Variants in METTL15 observed in about 807,000 individuals in gnomAD.
METTL15 encodes 12S rRNA N(4)-cytidine methyltransferase METTL15.
Under a neutral mutation model 38.3 loss-of-function variants are expected in METTL15, and 34 were observed. The ratio of observed to expected loss-of-function variants is 0.89; its 90% CI spans 0.68 to 1.18. The LOEUF (loss-of-function observed/expected upper bound fraction) is 1.18. Among genes scored for constraint, METTL15 ranks in the 50% most tolerant of loss-of-function variants. The pLI, the probability that METTL15 is intolerant of heterozygous loss-of-function variation, is 0.00. For synonymous variants in METTL15, 162 were observed against 170.9 expected, an observed-to-expected ratio of 0.95 and a Z score of 0.41; for missense variants, 438 against 498.4, an observed-to-expected ratio of 0.88 and a Z score of 1.15.
chr11:28,287,154 CAA>C (rs1491070417), intron 4 of METTL15: 17 of 85,442 alleles, frequency 2.0e-4, no homozygotes, highest in Admixed American at 3.7e-4. Context: ...GAGAGAGAGA[CAA>C]TGTGTGTGTG....
In METTL15 at chr11:28,386,831, T is replaced by A. The variant is rs540665503; in HGVS notation, c.*358+24795T>A. On this transcript the variant is annotated intron_variant and NMD_transcript_variant, in intron 5 of 7. Transcript: ENST00000532947. ...AGATCACAAGATCAGTCTTAACAAA[T>A]TTAACAAGATTGAACTCATGCCAAA... 2.0e-4 allele frequency among the ~76,000 whole-genome samples: 30 copies of A among 152,062 alleles called. 1 individual carries two copies. In the East Asian group the frequency reaches 5.8e-3, roughly 29 times the overall value.
the METTL15 span, among the ~76,000 whole-genome samples, chr11:28,532,215 T>C: frequency 6.6e-6 from 1 of 152,068 alleles, no homozygotes; most frequent in Non-Finnish European, 1.5e-5. Context: ...ATTAAACCCT[T>C]GGATTTTGGT....
At chr11:28,381,852 G>T (rs1288211518) in intron 5 of METTL15, among the ~76,000 whole-genome samples, 2 of 151,636 alleles carry the variant, frequency 1.3e-5, no homozygotes, top group African/African-American at 2.4e-5. Flanking sequence ...TATCTCATTA[G>T]GGCCAATCAC....
At position 28,163,311 on chromosome 11, in the gene METTL15, T is replaced by A. The variant is rs2133747028; in HGVS notation, c.271-47751T>A. The A allele has an allele frequency of 7.5e-6, 3 of 397,700 alleles. 1 individual carries two copies. The South Asian group carries it at 3.8e-4, about 51-fold the overall frequency. 24.6% of individuals were successfully genotyped at this position (397,700 alleles called of 1,614,324 possible). A position where few individuals can be genotyped will look rare whatever the true frequency, so the allele number is the denominator to read the frequency against. ...AAAAGTATGGCATAAATTCTAAATA[T>A]TATTATTTTATTCACAGAATTCTGT... On this transcript the variant is annotated intron_variant, in intron 3 of 6. Transcript: ENST00000407364.
intron 4 of METTL15, among the ~76,000 whole-genome samples, chr11:28,216,390 A>T (rs992369823): frequency 6.6e-6 from 1 of 152,158 alleles, no homozygotes; most frequent in Non-Finnish European, 1.5e-5. Context: ...GTGCATAATT[A>T]AAAAATGATG....
chr11:28,365,542 A>G (rs1412060143), intron 5 of METTL15, among the ~76,000 whole-genome samples: 2 of 151,898 alleles, frequency 1.3e-5, no homozygotes, highest in Non-Finnish European at 2.9e-5. Context: ...ATCTGATTGC[A>G]TTTATTTGAA....
At chr11:28,165,572 A>G (rs1850630198) in intron 3 of METTL15, among the ~76,000 whole-genome samples, 1 of 151,850 alleles carries the variant, frequency 6.6e-6, no homozygotes, top group South Asian at 2.1e-4. Context: ...TCCTTATTAG[A>G]TGTATGGTTT....
At chr11:28,379,806 A>G (rs1205908786) in intron 5 of METTL15, among the ~76,000 whole-genome samples, 1 of 151,998 alleles carries the variant, frequency 6.6e-6, no homozygotes, top group Non-Finnish European at 1.5e-5. Flanking sequence ...CTGAGCGTGG[A>G]TTGTTGAACG....
chr11:28,168,073 A>G (rs898213992), intron 3 of METTL15, among the ~76,000 whole-genome samples: 2 of 152,090 alleles, frequency 1.3e-5, no homozygotes, highest in African/African-American at 2.4e-5. Context: ...AAAGATTCCT[A>G]TACTGACATC....
chr11:28,234,068 C>T (rs986990997), intron 4 of METTL15, among the ~76,000 whole-genome samples: 5 of 149,274 alleles, frequency 3.3e-5, no homozygotes, highest in African/African-American at 1.2e-4. Context: ...GGTTTTTTGT[C>T]CTTGCGATAG....
downstream of METTL15, among the ~76,000 whole-genome samples, chr11:28,334,958 G>C (rs529873367): frequency 2.0e-5 from 3 of 152,074 alleles, no homozygotes; most frequent in South Asian, 6.2e-4. Flanking sequence ...TGCACAGCAG[G>C]AGATTGTGTC....
intron 6 of METTL15, among the ~76,000 whole-genome samples, chr11:28,480,858 T>C (rs773294881): frequency 7.2e-5 from 11 of 152,200 alleles, no homozygotes; most frequent in South Asian, 6.2e-4. Context: ...TGGATTCAAT[T>C]TGCACACTCC....
At chr11:28,294,695 C>G (rs930829491) in intron 5 of METTL15, among the ~76,000 whole-genome samples, 1 of 152,066 alleles carries the variant, frequency 6.6e-6, no homozygotes, top group African/African-American at 2.4e-5. Flanking sequence ...GGGGGCAGCT[C>G]TTGGATCTTG....
chr11:28,367,979 A>G (rs904170188), intron 5 of METTL15, among the ~76,000 whole-genome samples: 4 of 152,124 alleles, frequency 2.6e-5, no homozygotes, highest in South Asian at 2.1e-4. Flanking sequence ...AAGACCTAGC[A>G]CCATAAAAAT....
intron 6 of METTL15, among the ~76,000 whole-genome samples, chr11:28,512,479 G>C (rs766579382): frequency 6.6e-6 from 1 of 152,218 alleles, no homozygotes; most frequent in Non-Finnish European, 1.5e-5. Context: ...CCTGCCCAGT[G>C]GGGAGGCAGC....
intron 5 of METTL15, among the ~76,000 whole-genome samples, chr11:28,394,576 C>G (rs573141265): frequency 1.3e-5 from 2 of 152,044 alleles, no homozygotes; most frequent in Non-Finnish European, 2.9e-5. Flanking sequence ...GTTTCACGGA[C>G]ATTTTCAGTT....
intron 5 of METTL15, chr11:28,398,916 A>T (rs1286754434): frequency 6.6e-6 from 1 of 152,020 alleles, no homozygotes; most frequent in Non-Finnish European, 1.5e-5. Flanking sequence ...TCAAGCTACC[A>T]TTGACTTTCT....
chr11:28,215,638 ACACTTC>A (rs1350055095), intron 4 of METTL15, among the ~76,000 whole-genome samples: 1 of 152,324 alleles, frequency 6.6e-6, no homozygotes, highest in East Asian at 1.9e-4. Context: ...AACAAAGAGC[ACACTTC>A]CAAGTTAAAG....
intron 3 of METTL15, chr11:28,134,547 A>C: frequency 2.5e-6 from 1 of 398,528 alleles, no homozygotes; most frequent in Non-Finnish European, 4.4e-6. Context: ...CTCCTTCAGC[A>C]ACTGCTGTTG....
Sources: gnomAD v4.1 joint callset for allele counts (sites outside exome capture counted in the v4.1 genomes callset) on GRCh38, gnomAD v4.1.1 for gene constraint, MANE v1.5 for transcripts, NCBI Gene and HGNC (gene_info 2026-07-23, HGNC 2026-07-21) for gene names.